HEMGN: variants seen among roughly 807,000 people sequenced by gnomAD.
HEMGN encodes the protein erythroid differentiation-associated gene protein.
Under a neutral mutation model 45.7 loss-of-function variants are expected in HEMGN, and 32 were observed. That is an observed-to-expected ratio of 0.70 (90% confidence interval 0.53 to 0.94). The LOEUF (loss-of-function observed/expected upper bound fraction) is 0.94, where lower values mean the gene tolerates loss of function less well. HEMGN is among the 40% of genes least tolerant of loss of function. The probability of loss-of-function intolerance (pLI) is 0.00; values close to 1 mark genes in which losing one functional copy is unlikely to be tolerated. For synonymous variants in HEMGN, 183 were observed against 178.6 expected (o/e 1.02, Z -0.20); for missense variants, 530 against 564.2 (o/e 0.94, Z 0.61).
intron 2 of HEMGN, among the ~76,000 whole-genome samples, chr9:97,933,314 G>A (rs940565960): frequency 7.2e-5 from 11 of 152,156 alleles, no homozygotes; most frequent in Admixed American, 2.0e-4. Context: ...GTCAGGCACC[G>A]TTTAAATAAT....
chr9:97,931,336 A>G, intron 2 of HEMGN, 115 bp from the exon 3 acceptor site: 1 of 717,102 alleles, frequency 1.4e-6, no homozygotes. Flanking sequence ...TGAACTAGTC[A>G]CTTAATCTCT....
In HEMGN at chr9:97,930,448, T is replaced by TGG; in HGVS notation, c.945_946dup (p.Gln316ProfsTer42). 6.2e-7 allele frequency: 1 copy of TGG among 1,614,180 alleles called. No individual in the cohort carries two copies. Among genetic ancestry groups the TGG allele is most frequent in the South Asian group, 1.1e-5 (1 of 91,082 alleles). On this transcript the variant is annotated frameshift_variant, in exon 3 of 4. Coordinates refer to ENST00000616898, the MANE Select transcript of HEMGN (RefSeq NM_197978.3). LOFTEE classifies it high-confidence loss of function. Reference sequence around the variant, plus strand: ...AAGGTATTTAGGTTCAGCTGATTCTTGGTGTGTTTTTGTAGAAAGGTCTTT... The same window carrying TGG: ...AAGGTATTTAGGTTCAGCTGATTCTTGGGGTGTGTTTTTGTAGAAAGGTCTTT...
intron 1 of HEMGN, among the ~76,000 whole-genome samples, chr9:97,944,516 G>T (rs1242059158): frequency 1.3e-5 from 2 of 152,164 alleles, no homozygotes; most frequent in African/African-American, 2.4e-5. Flanking sequence ...CATTGGAAAA[G>T]CTCCCTAAGT....
chr9:97,943,321 G>A (rs1259942769), intron 1 of HEMGN, among the ~76,000 whole-genome samples: 1 of 152,128 alleles, frequency 6.6e-6, no homozygotes, highest in South Asian at 2.1e-4. Flanking sequence ...GTTTTTCTTA[G>A]CATTCCTTCC....
intron 3 of HEMGN, 116 bp from the exon 4 acceptor site, chr9:97,927,594 G>T: frequency 3.2e-6 from 2 of 624,758 alleles, no homozygotes; most frequent in Non-Finnish European, 2.8e-6. Context: ...ACCGTAGATG[G>T]GGTAAATTTT....
intron 2 of HEMGN, among the ~76,000 whole-genome samples, chr9:97,935,349 A>G (rs1827039837): frequency 6.6e-6 from 1 of 152,028 alleles, no homozygotes; most frequent in African/African-American, 2.4e-5. Flanking sequence ...TCTTCCCCCA[A>G]CCCCACCCCA....
At chr9:97,943,723 G>C (rs1035129102) in intron 1 of HEMGN, among the ~76,000 whole-genome samples, 2 of 152,060 alleles carry the variant, frequency 1.3e-5, no homozygotes, top group African/African-American at 4.8e-5. Flanking sequence ...TGAACTTCTT[G>C]AACTAGTAAT....
intron 1 of HEMGN, 104 bp from the exon 2 acceptor site, chr9:97,936,368 A>G: frequency 1.3e-6 from 1 of 756,924 alleles, no homozygotes; most frequent in Non-Finnish European, 2.3e-6. Context: ...TTTTTCTCCT[A>G]GCTTTTTGAG....
chr9:97,932,983 A>C (rs1009805245), intron 2 of HEMGN, among the ~76,000 whole-genome samples: 1 of 152,160 alleles, frequency 6.6e-6, no homozygotes, highest in East Asian at 1.9e-4. Flanking sequence ...TAGATATTAA[A>C]TCCTAAAGAA....
upstream of HEMGN, among the ~76,000 whole-genome samples, chr9:97,939,171 C>A (rs974157237): frequency 2.0e-5 from 3 of 152,160 alleles, no homozygotes; most frequent in Admixed American, 1.3e-4. Flanking sequence ...TTGACATTCC[C>A]TAATTCAGTG....
chr9:97,943,140 G>T (rs1184465535), upstream of HEMGN, among the ~76,000 whole-genome samples: 1 of 152,168 alleles, frequency 6.6e-6, no homozygotes, highest in Non-Finnish European at 1.5e-5. Flanking sequence ...ATTCTGTGAG[G>T]ATAAAAGAGA....
At chr9:97,932,138 A>T (rs1213962049) in intron 2 of HEMGN, among the ~76,000 whole-genome samples, 5 of 152,128 alleles carry the variant, frequency 3.3e-5, no homozygotes, top group African/African-American at 4.8e-5. Context: ...CTCCTATAGG[A>T]CTTATTGGGT....
intron 2 of HEMGN, among the ~76,000 whole-genome samples, chr9:97,935,041 G>T (rs962021433): frequency 6.6e-6 from 1 of 152,184 alleles, no homozygotes; most frequent in Non-Finnish European, 1.5e-5. Context: ...AAAGAATCCT[G>T]CTTATACAAC....
chr9:97,927,094 A>G lies in HEMGN; in HGVS notation c.*290T>C, dbSNP rs751860530. ...TAAATAAATGTTCTTAGGGGGGAAA[A>G]CCAATTATCCAGTCCTCCCCGCTTC... On this transcript the variant is annotated 3_prime_UTR_variant, in exon 4 of 4. Coordinates refer to ENST00000616898, the MANE Select transcript of HEMGN (RefSeq NM_197978.3). The G allele has an allele frequency of 5.8e-4, 126 of 218,714 alleles. No individual in the cohort carries two copies. The highest frequency in any genetic ancestry group is 6.8e-4 in the Non-Finnish European group (76 of 112,386). The allele number at this position is 218,714 out of a possible 1,614,324, so 13.5% of individuals were successfully genotyped here. A position where few individuals can be genotyped will look rare whatever the true frequency, so the allele number is the denominator to read the frequency against.
intron 2 of HEMGN, among the ~76,000 whole-genome samples, chr9:97,934,938 G>A (rs1827030539): frequency 6.6e-6 from 1 of 152,132 alleles, no homozygotes; most frequent in Non-Finnish European, 1.5e-5. Context: ...GTTAAGTTGG[G>A]CACAGGAGGG....
chr9:97,935,174 C>T lies in HEMGN; in HGVS notation c.173+997G>A, dbSNP rs1037074353. 9.9e-5 allele frequency among the ~76,000 whole-genome samples: 15 copies of T among 152,164 alleles called. 1 individual carries two copies. ...ACCCCCACATTATACTGACATCATT[C>T]TCCTATTTATCAATCGTATGTGAAC... is the stretch of plus-strand genomic sequence containing the variant. On this transcript the variant is annotated intron_variant, in intron 2 of 3. Coordinates refer to ENST00000616898, the MANE Select transcript of HEMGN (RefSeq NM_197978.3).
chr9:97,932,379 T>G (rs1436857586), intron 2 of HEMGN, among the ~76,000 whole-genome samples: 3 of 152,104 alleles, frequency 2.0e-5, no homozygotes, highest in Non-Finnish European at 4.4e-5. Flanking sequence ...AAAGATTACC[T>G]CACCAAACAC....
rs918429608 is a variant in HEMGN at position 97,930,932 on chromosome 9, C to T, written c.463G>A (p.Val155Ile). The change falls in exon 3 of 4, where the codon GTA becomes ATA. Residue 155 changes from valine to isoleucine, a missense_variant. Coordinates refer to ENST00000616898, the MANE Select transcript of HEMGN (RefSeq NM_197978.3). ...ENFSEYQEIA[V>I]QNHSSETCQH... ...CATGTTTCAGAAGAATGGTTTTGTA[C>T]TGCTATTTCTTGGTACTCAGAAAAA... 7 of 1,614,176 alleles carry T rather than the reference C, an allele frequency of 4.3e-6. No individual in the cohort carries two copies. Among genetic ancestry groups the T allele is most frequent in the South Asian group, 1.1e-5 (1 of 91,086 alleles).
intron 2 of HEMGN, among the ~76,000 whole-genome samples, chr9:97,934,977 T>G (rs1827031129): frequency 1.3e-5 from 2 of 152,194 alleles, no homozygotes; most frequent in South Asian, 4.1e-4. Context: ...GATGGAGAGC[T>G]GCGCAAGGCT....
Sources: gnomAD v4.1 joint callset for allele counts (sites outside exome capture counted in the v4.1 genomes callset) on GRCh38, gnomAD v4.1.1 for gene constraint, MANE v1.5 for transcripts, NCBI Gene and HGNC (gene_info 2026-07-23, HGNC 2026-07-21) for gene names.